The following BRD4 variants were observed in gnomAD, a reference collection of about 807,000 sequenced individuals.
BRD4 encodes the protein bromodomain-containing protein 4.
Under a neutral mutation model 142.1 loss-of-function variants are expected in BRD4, and 16 were observed. The observed-to-expected ratio is 0.11, with a 90% CI of 0.08 to 0.17. The LOEUF is 0.17. Among genes scored for constraint, BRD4 ranks in the 10% least tolerant of loss-of-function variants. The pLI is 1.00. For missense variants in BRD4, 1,424 were observed against 1,810.9 expected (o/e 0.79, Z 3.88); for synonymous variants, 833 against 707.5 (o/e 1.18, Z -2.82).
chr19:15,331,836 CCGGGCCGGGCGCGCCG>C (rs1334882085), intron 1 of BRD4: 1 of 147,888 alleles, frequency 6.8e-6, no homozygotes, highest in Non-Finnish European at 1.5e-5. Context: ...CGGGACTTAC[CCGGGCCGGGCGCGCCG>C]CGGACCCCGC....
rs200598247 is a variant in BRD4, at chr19:15,255,397, G to C, written c.1947C>G (p.Pro649=). ...SREPSLKNSN[P]DEIEIDFETL... is the part of the protein sequence containing the mutation. Reference sequence around the variant, plus strand: ...TCTCAAAGTCGATTTCAATCTCGTCGGGGTTGGAATTCTTCAGGGAGGGCT... The same window carrying C: ...TCTCAAAGTCGATTTCAATCTCGTCCGGGTTGGAATTCTTCAGGGAGGGCT... The change falls in exon 10 of 20, where the codon CCC becomes CCG. Residue 649 remains proline (P), a synonymous_variant. Transcript: ENST00000679869. The C allele has an allele frequency of 1.2e-6, 2 of 1,613,962 alleles. No homozygotes were observed. Among genetic ancestry groups the C allele is most frequent in the African/African-American group, 1.3e-5 (1 of 74,886 alleles).
Position 15,239,417 on chromosome 19 carries a change from G to A in BRD4, c.3551C>T (p.Pro1184Leu), listed in dbSNP as rs199833998. Residue 1184 changes from proline to leucine, a missense_variant, in exon 17 of 20, where the codon CCG becomes CTG. Pro to Leu is a moderately conservative substitution (Grantham distance 98). This residue lies in a region of BRD4 where 49 missense variants were observed against 97.3 expected (regional missense o/e 0.50). Coordinates refer to ENST00000679869, the MANE Select transcript of BRD4 (RefSeq NM_001379291.1). The surrounding 1 kb of genome is among the most constrained non-coding windows in gnomAD (Gnocchi z 7.4). The stretch of plus-strand genomic sequence containing the variant: ...CTTTTTGGGCGCAACTGGAGTCTTC[G>A]GCTCCTGTTTCTGTTTGTCCTTGTC... Reference protein sequence around the residue: ...APDKDKQKQEPKTPVAPKKDL... With the variant: ...APDKDKQKQELKTPVAPKKDL... 5.0e-6 allele frequency: 8 copies of A among 1,614,172 alleles called. No homozygotes were observed. The Admixed American group carries it at 5.0e-5, about 10-fold the overall frequency.
chr19:15,268,606 T>C (rs2047557104), intron 3 of BRD4, among the ~76,000 whole-genome samples: 1 of 152,012 alleles, frequency 6.6e-6, no homozygotes, highest in Admixed American at 6.6e-5. Context: ...CCTCACACCT[T>C]CTCTACTAGA....
At chr19:15,269,147 G>C (rs950370253) in intron 2 of BRD4, 105 bp from the exon 3 acceptor site, 1 of 1,333,004 alleles carries the variant, frequency 7.5e-7, no homozygotes, top group Admixed American at 2.3e-5. Flanking sequence ...CTGCTCCACA[G>C]GTAAATCCAC....
intron 13 of BRD4, 96 bp downstream of exon 13, chr19:15,244,135 G>A (rs1040941109): frequency 1.2e-5 from 19 of 1,532,118 alleles, no homozygotes; most frequent in Non-Finnish European, 1.6e-5. Context: ...GAGCAGCTGA[G>A]GCTAAGAAGC....
intron 11 of BRD4, among the ~76,000 whole-genome samples, chr19:15,252,170 G>C (rs960471862): frequency 1.3e-5 from 2 of 152,186 alleles, no homozygotes; most frequent in African/African-American, 4.8e-5. Context: ...CCAAAGCAGA[G>C]GAGCCCAGAA....
At chr19:15,289,279 C>T (rs548725905) in intron 1 of BRD4, among the ~76,000 whole-genome samples, 109 of 152,278 alleles carry the variant, frequency 7.2e-4, no homozygotes, top group African/African-American at 2.4e-3. Flanking sequence ...CAGCTGGGTG[C>T]GGTGGCTCAC....
intron 1 of BRD4, among the ~76,000 whole-genome samples, chr19:15,325,997 C>CAAAAAA (rs35801340): frequency 9.3e-4 from 47 of 50,528 alleles, no homozygotes; most frequent in Non-Finnish European, 1.4e-3. Context: ...GACTCCGTCT[C>CAAAAAA]AAAAAAAAAA....
intron 1 of BRD4, among the ~76,000 whole-genome samples, chr19:15,316,952 C>CCT (rs1474778928): frequency 6.6e-6 from 1 of 152,214 alleles, no homozygotes; most frequent in Non-Finnish European, 1.5e-5. Flanking sequence ...AGGTCTCCTC[C>CCT]CTCTCAGGCT....
intron 1 of BRD4, among the ~76,000 whole-genome samples, chr19:15,309,924 T>C (rs1247698033): frequency 2.6e-5 from 4 of 152,236 alleles, no homozygotes; most frequent in Admixed American, 2.0e-4. Context: ...AGGCAGAGCT[T>C]GCCAATCTGG....
intron 1 of BRD4, among the ~76,000 whole-genome samples, chr19:15,301,527 C>T (rs1049510426): frequency 2.0e-5 from 3 of 149,060 alleles, no homozygotes; most frequent in South Asian, 2.1e-4. Flanking sequence ...CACCACACTG[C>T]ACTCCAGCCT....
chr19:15,252,370 G>C (rs1301510724), intron 11 of BRD4, among the ~76,000 whole-genome samples: 1 of 152,252 alleles, frequency 6.6e-6, no homozygotes, highest in African/African-American at 2.4e-5. Context: ...TGGTCACTCA[G>C]ATCCTCAGAT....
At chr19:15,319,153 T>C (rs569996572) in intron 1 of BRD4, among the ~76,000 whole-genome samples, 20 of 150,482 alleles carry the variant, frequency 1.3e-4, no homozygotes, top group South Asian at 1.1e-3. Flanking sequence ...CTGGGCAACA[T>C]AGTGTGACCT....
chr19:15,316,814 A>C (rs2048022097), intron 1 of BRD4, among the ~76,000 whole-genome samples: 1 of 152,074 alleles, frequency 6.6e-6, no homozygotes, highest in Non-Finnish European at 1.5e-5. Context: ...TCATCCCCTC[A>C]CACTGGTGAG....
rs542511421 is a variant in BRD4, at chr19:15,318,823, C to G, written c.-35+13467G>C. 4.6e-5 allele frequency among the ~76,000 whole-genome samples: 7 copies of G among 152,316 alleles called. No homozygotes were observed. In the South Asian group the frequency reaches 1.2e-3, roughly 27 times the overall value. ...CCTCATCTGCGGCCTTTGCAACAGA[C>G]CCATTCTGGTACATTCTCAAATTCC... On this transcript the variant is annotated intron_variant, in intron 1 of 19. Transcript: ENST00000679869.
intron 14 of BRD4, among the ~76,000 whole-genome samples, chr19:15,240,244 G>A (rs2047228095): frequency 6.6e-6 from 1 of 152,188 alleles, no homozygotes; most frequent in South Asian, 2.1e-4. Flanking sequence ...AGTGCCCTGT[G>A]TCCCCCTGCA....
Position 15,239,567 on chromosome 19 carries a change from T to G in BRD4, c.3446-45A>C. ...TGGGCCCTGGCCCACCTCACCCCAG[T>G]GGGGCATGGTCCACCAGCCCCACAG... On this transcript the variant is annotated intron_variant, in intron 16 of 19. Coordinates refer to ENST00000679869, the MANE Select transcript of BRD4 (RefSeq NM_001379291.1). The surrounding 1 kb of genome is among the most constrained non-coding windows in gnomAD (Gnocchi z 7.4). The G allele has an allele frequency of 6.3e-7, 1 of 1,576,696 alleles. No individual in the cohort carries two copies. Among genetic ancestry groups the G allele is most frequent in the Non-Finnish European group, 8.6e-7 (1 of 1,165,852 alleles).
chr19:15,252,919 A>C (rs1221071758), intron 11 of BRD4: 1 of 181,296 alleles, frequency 5.5e-6, no homozygotes, highest in African/African-American at 2.4e-5. Context: ...CCTCAGAGCA[A>C]CATGGCTCTC....
rs150660375 is a variant in BRD4, at chr19:15,326,940, T to C, written c.-35+5350A>G. Among the ~76,000 whole-genome samples the C allele has an allele frequency of 3.7e-3, 563 of 152,350 alleles. 2 individuals carry two copies. Among genetic ancestry groups the C allele is most frequent in the Non-Finnish European group, 5.9e-3 (398 of 68,032 alleles). On this transcript the variant is annotated intron_variant, in intron 1 of 19. Transcript: ENST00000679869. ...AGGAACTGCAAGTTTGGGGTGCATC[T>C]CCGAGACTGTTCTCTATGGAGCAGC... is the stretch of plus-strand genomic sequence containing the variant.
Sources: gnomAD v4.1 joint callset for allele counts (sites outside exome capture counted in the v4.1 genomes callset) on GRCh38, gnomAD v4.1.1 for gene constraint, gnomAD v4.1.1 regional missense constraint, Gnocchi (gnomAD v3.1) non-coding constraint, MANE v1.5 for transcripts, NCBI Gene and HGNC (gene_info 2026-07-23, HGNC 2026-07-21) for gene names.